The following SEZ6L variants were observed in gnomAD, a reference collection of about 807,000 sequenced individuals.
The protein encoded by SEZ6L is seizure 6-like protein.
In SEZ6L, 37 loss-of-function variants were observed where a neutral mutation model predicts 106.2. The ratio of observed to expected loss-of-function variants is 0.35; its 90% confidence interval spans 0.27 to 0.46. The LOEUF is 0.46. Among genes scored for constraint, SEZ6L ranks in the 20% least tolerant of loss-of-function variants. The probability of loss-of-function intolerance (pLI) is 1.00; values close to 1 mark genes in which losing one functional copy is unlikely to be tolerated. For synonymous variants in SEZ6L, 541 were observed against 570.4 expected, an observed-to-expected ratio of 0.95 and a Z score of 0.73; for missense variants, 1,172 against 1,332.8, an observed-to-expected ratio of 0.88 and a Z score of 1.88.
rs185367430 is a variant in SEZ6L at position 26,193,663 on chromosome 22, T to A, written c.94+23900T>A. 7.9e-5 allele frequency among the ~76,000 whole-genome samples: 12 copies of A among 152,338 alleles called. No homozygotes were observed. In the East Asian group the frequency reaches 2.1e-3, roughly 27 times the overall value. On this transcript the variant is annotated intron_variant, in intron 1 of 16. Transcript: ENST00000248933. The stretch of plus-strand genomic sequence containing the variant: ...CTGTGCAAATCTTTTCTTTCTTTTG[T>A]TACAATTTTGAAAAGCAATTTTCTC...
intron 1 of SEZ6L, among the ~76,000 whole-genome samples, chr22:26,231,378 C>G (rs2078793694): frequency 6.6e-6 from 1 of 152,036 alleles, no homozygotes; most frequent in African/African-American, 2.4e-5. Context: ...CCCACCCTGG[C>G]CCTGGTTTAG....
chr22:26,186,137 C>T (rs1376982908), intron 1 of SEZ6L, among the ~76,000 whole-genome samples: 6 of 151,896 alleles, frequency 4.0e-5, no homozygotes, highest in Non-Finnish European at 5.9e-5. Flanking sequence ...CCCTCCTTTC[C>T]GCTCCTACAC....
intron 1 of SEZ6L, among the ~76,000 whole-genome samples, chr22:26,254,929 T>G (rs898178951): frequency 2.0e-5 from 3 of 152,274 alleles, no homozygotes; most frequent in African/African-American, 7.2e-5. Flanking sequence ...GAGGGCTGTT[T>G]CCTGTCCTCA....
At chr22:26,263,343 T>C (rs1480004832) in intron 1 of SEZ6L, among the ~76,000 whole-genome samples, 1 of 152,232 alleles carries the variant, frequency 6.6e-6, no homozygotes, top group Admixed American at 6.5e-5. Flanking sequence ...AGGGTGCATG[T>C]GACGGCTAAT....
At chr22:26,241,996 T>A (rs536289592) in intron 1 of SEZ6L, among the ~76,000 whole-genome samples, 2 of 152,330 alleles carry the variant, frequency 1.3e-5, no homozygotes, top group African/African-American at 4.8e-5. Context: ...GAAAACTGAC[T>A]TATTCAGTGG....
chr22:26,200,467 A>T (rs1236331128), intron 1 of SEZ6L, among the ~76,000 whole-genome samples: 1 of 152,144 alleles, frequency 6.6e-6, no homozygotes, highest in Non-Finnish European at 1.5e-5. Context: ...AAGTTAGTGG[A>T]CAGGACTTGT....
intron 4 of SEZ6L, 132 bp from the exon 5 acceptor site, chr22:26,298,852 T>G: frequency 1.4e-6 from 1 of 706,682 alleles, no homozygotes; most frequent in Non-Finnish European, 2.1e-6. Flanking sequence ...AAAAATACCA[T>G]TCTCCAGAGC....
intron 1 of SEZ6L, among the ~76,000 whole-genome samples, chr22:26,279,025 G>A (rs1025363391): frequency 6.6e-6 from 1 of 151,704 alleles, no homozygotes; most frequent in Non-Finnish European, 1.5e-5. Flanking sequence ...AAGGAAAGAA[G>A]GAAAAAATGA....
At chr22:26,338,319 A>C (rs755439029) in intron 9 of SEZ6L, among the ~76,000 whole-genome samples, 8 of 152,158 alleles carry the variant, frequency 5.3e-5, no homozygotes, top group Non-Finnish European at 1.2e-4. Context: ...CACACTGACC[A>C]CTGGAAAAAT....
chr22:26,352,218 C>A (rs889411378), intron 12 of SEZ6L, among the ~76,000 whole-genome samples: 4 of 147,688 alleles, frequency 2.7e-5, no homozygotes, highest in South Asian at 2.2e-4. Context: ...GATATACAAA[C>A]AATGTTCACA....
chr22:26,193,246 C>T (rs1037708211), intron 1 of SEZ6L, among the ~76,000 whole-genome samples: 1 of 152,192 alleles, frequency 6.6e-6, no homozygotes, highest in Non-Finnish European at 1.5e-5. Context: ...AGAAAAACTC[C>T]CAGTTTGTCA....
intron 1 of SEZ6L, among the ~76,000 whole-genome samples, chr22:26,291,005 T>C (rs2081090429): frequency 6.6e-6 from 1 of 152,212 alleles, no homozygotes; most frequent in East Asian, 1.9e-4. Context: ...AATTCAACCA[T>C]TGTGGAAGAT....
intron 1 of SEZ6L, among the ~76,000 whole-genome samples, chr22:26,245,038 C>A (rs998455481): frequency 2.6e-5 from 4 of 152,104 alleles, no homozygotes; most frequent in African/African-American, 9.7e-5. Context: ...TGAAGGGGAC[C>A]AGAGGCAAGG....
At chr22:26,304,385 AAAGAAAGAAAGAAAGAAAG>A (rs2081561487) in intron 5 of SEZ6L, among the ~76,000 whole-genome samples, 2 of 112,282 alleles carry the variant, frequency 1.8e-5, no homozygotes, top group Non-Finnish European at 3.9e-5. Context: ...AGAAAGAAAG[AAAGAAAGAAAGAAAGAAAG>A]AAAGAAAGAA....
intron 10 of SEZ6L, among the ~76,000 whole-genome samples, chr22:26,343,109 G>A (rs1019158319): frequency 3.3e-5 from 5 of 152,130 alleles, no homozygotes; most frequent in African/African-American, 1.2e-4. Context: ...TTTCTGGGCA[G>A]TGCCCTGGGC....
Position 26,292,806 on chromosome 22 carries a change from C to A in SEZ6L, c.495C>A (p.Gly165=), listed in dbSNP as rs552398981. ...DLLSSSTEKP[G]PPGDPDPIVA... is the part of the protein sequence containing the mutation. ...TCTCCTCCTCCACGGAGAAGCCTGG[C>A]CCACCGGGGGACCCGGACCCCATCG... The change falls in exon 2 of 17, where the codon GGC becomes GGA. Residue 165 remains glycine, a synonymous_variant. Transcript: ENST00000248933. 1 of 1,613,918 alleles carries A rather than the reference C, an allele frequency of 6.2e-7. No individual in the cohort carries two copies. Among genetic ancestry groups the A allele is most frequent in the African/African-American group, 1.3e-5 (1 of 75,082 alleles).
Position 26,313,754 on chromosome 22 carries a change from T to C in SEZ6L, c.1877-10T>C, listed in dbSNP as rs201174178. 14 of 1,599,386 alleles carry C rather than the reference T, an allele frequency of 8.8e-6. No individual in the cohort carries two copies. The East Asian group carries it at 1.6e-4, about 18-fold the overall frequency. On this transcript the variant is annotated splice_polypyrimidine_tract_variant and intron_variant, in intron 8 of 16. Coordinates refer to ENST00000248933, the MANE Select transcript of SEZ6L (RefSeq NM_021115.5). The stretch of plus-strand genomic sequence containing the variant: ...TAAAGTCCGTCTTCTTGCCTGTCTG[T>C]CTTTTACAGCCATGTGTGGTGGGGA...
In SEZ6L at chr22:26,351,222, T is replaced by A; in HGVS notation, c.2578T>A (p.Ser860Thr). Residue 860 changes from serine (S) to threonine (T), a missense_variant, in exon 12 of 17, where the codon TCT (serine) becomes ACT (threonine). Coordinates refer to ENST00000248933, the MANE Select transcript of SEZ6L (RefSeq NM_021115.5). ...TGAAACAGGGACTCCCATCTGGACG[T>A]CTCGCCTGCCCCACTGCGTTTGTGA... ...SRETGTPIWT[S>T]RLPHCVSEES... 1.2e-6 allele frequency: 2 copies of A among 1,614,008 alleles called. No homozygotes were observed. The highest frequency in any genetic ancestry group is 8.5e-7 in the Non-Finnish European group (1 of 1,179,944).
chr22:26,364,670 G>T (rs1333197799), intron 12 of SEZ6L: 1 of 152,378 alleles, frequency 6.6e-6, no homozygotes, highest in Non-Finnish European at 1.5e-5. Context: ...TTGTTGCCAG[G>T]CTCCCAGGCC....
Sources: allele counts gnomAD v4.1 joint callset (sites outside exome capture counted in the v4.1 genomes callset), GRCh38; gene constraint gnomAD v4.1.1; transcripts MANE v1.5; gene names NCBI Gene and HGNC (gene_info 2026-07-23, HGNC 2026-07-21).